The following DYNC2I1 variants were observed in gnomAD, a reference collection of about 807,000 sequenced individuals.
The protein encoded by DYNC2I1 is cytoplasmic dynein 2 intermediate chain 1.
DYNC2I1 carries 89 observed loss-of-function variants against 133.4 expected under a neutral mutation model. The ratio of observed to expected loss-of-function variants is 0.67; its 90% CI spans 0.56 to 0.80. The LOEUF (loss-of-function observed/expected upper bound fraction) is 0.80. Among genes scored for constraint, DYNC2I1 ranks in the 30% least tolerant of loss-of-function variants. DYNC2I1 has a pLI of 0.00. For missense variants in DYNC2I1, 1,291 were observed against 1,314.5 expected, an observed-to-expected ratio of 0.98 and a Z score of 0.28; for synonymous variants, 504 against 484.3, an observed-to-expected ratio of 1.04 and a Z score of -0.54.
chr7:158,940,037 A>G (rs1479093448), intron 23 of DYNC2I1, among the ~76,000 whole-genome samples: 2 of 152,202 alleles, frequency 1.3e-5, no homozygotes, highest in East Asian at 1.9e-4. Context: ...CTGTAATGCA[A>G]TAATAGTAGG....
intron 2 of DYNC2I1, 146 bp downstream of exon 2, chr7:158,870,054 C>A: frequency 1.5e-6 from 1 of 668,138 alleles, no homozygotes; most frequent in Non-Finnish European, 2.5e-6. Context: ...TGAAGGTGTA[C>A]GGCTAACAAT....
rs990594330 is a variant in DYNC2I1, at chr7:158,856,806, G to C, written c.15+56G>C. The stretch of plus-strand genomic sequence containing the variant: ...TGGTCGAGCTTCGCGGACTCCTTCG[G>C]GCGCCGCTAGCAGCGCCGCCGCCGC... On this transcript the variant is annotated intron_variant, in intron 1 of 24. Coordinates refer to ENST00000407559, the MANE Select transcript of DYNC2I1 (RefSeq NM_018051.5). 86 of 1,230,572 alleles carry C rather than the reference G, an allele frequency of 7.0e-5. No homozygotes were observed. The African/African-American group carries it at 1.2e-3, about 18-fold the overall frequency. The allele number at this position is 1,230,572 out of a possible 1,614,324, so 76.2% of individuals were successfully genotyped here. A position where few individuals can be genotyped will look rare whatever the true frequency, so the allele number is the denominator to read the frequency against.
chr7:158,948,157 A>G (rs1255562041), downstream of DYNC2I1, among the ~76,000 whole-genome samples: 5 of 152,118 alleles, frequency 3.3e-5, no homozygotes, highest in Non-Finnish European at 7.4e-5. Context: ...CGCAGCCTCT[A>G]AAAAACACAT....
At chr7:158,953,672 C>T (rs1379278518) in intron 4 of DYNC2I1, among the ~76,000 whole-genome samples, 3 of 152,122 alleles carry the variant, frequency 2.0e-5, no homozygotes, top group African/African-American at 7.2e-5. Context: ...ATGGCTTGAG[C>T]TGGAGAGGTT....
At chr7:158,881,106 C>T (rs948378658) in intron 5 of DYNC2I1, among the ~76,000 whole-genome samples, 3 of 152,232 alleles carry the variant, frequency 2.0e-5, no homozygotes, top group South Asian at 2.1e-4. Flanking sequence ...GCACTTAGGC[C>T]GAGAAGCAGT....
chr7:158,847,368 C>G, the DYNC2I1 span, among the ~76,000 whole-genome samples: 6 of 151,968 alleles, frequency 3.9e-5, no homozygotes, highest in African/African-American at 1.5e-4. Context: ...AATAGTGACT[C>G]TTAAACCTTA....
At chr7:158,913,940 C>T (rs1357063049) in intron 13 of DYNC2I1, among the ~76,000 whole-genome samples, 3 of 152,176 alleles carry the variant, frequency 2.0e-5, no homozygotes, top group African/African-American at 7.2e-5. Context: ...GAACTCCTGA[C>T]CTCAGATGAT....
In DYNC2I1 at chr7:158,923,693, C is replaced by T. The variant is rs368585581; in HGVS notation, c.2217C>T (p.Ser739=). Residue 739 remains serine (S), a synonymous_variant, in exon 17 of 25, where the codon AGC becomes AGT. Transcript: ENST00000407559. ...DSRLHYSVTL[S]DGFWTFRTAT... is the part of the protein sequence containing the mutation. ...GGCTGCATTACTCTGTGACGCTGAGCGATGGCTTCTGGACGTTCCGGACCG... is the reference window on the plus strand; with the variant it reads ...GGCTGCATTACTCTGTGACGCTGAGTGATGGCTTCTGGACGTTCCGGACCG... 5.4e-5 allele frequency: 87 copies of T among 1,613,786 alleles called. No individual in the cohort carries two copies. Among genetic ancestry groups the T allele is most frequent in the Admixed American group, 3.3e-5 (2 of 59,994 alleles).
At chr7:158,955,561 G>T (rs1164061404) in intron 4 of DYNC2I1, among the ~76,000 whole-genome samples, 1 of 152,226 alleles carries the variant, frequency 6.6e-6, no homozygotes, top group East Asian at 1.9e-4. Context: ...TGTGCTAAGA[G>T]CCAGGCGGTG....
rs372657221 is a variant in DYNC2I1, at chr7:158,941,204, C to T, written c.2779-721C>T. ...GAGACTATTATGAACATCTATAAGC[C>T]AACAAATTGGAAAACAAATTTGATT... is the stretch of plus-strand genomic sequence containing the variant. On this transcript the variant is annotated intron_variant, in intron 23 of 24. Transcript: ENST00000407559. 3.1e-4 allele frequency among the ~76,000 whole-genome samples: 47 copies of T among 152,166 alleles called. No homozygotes were observed. The East Asian group carries it at 6.0e-3, about 19-fold the overall frequency.
At chr7:158,912,231 C>T (rs1847550983) in intron 12 of DYNC2I1, among the ~76,000 whole-genome samples, 1 of 152,146 alleles carries the variant, frequency 6.6e-6, no homozygotes, top group African/African-American at 2.4e-5. Flanking sequence ...TTGTACTTCC[C>T]TGTAGTATTT....
chr7:158,942,229 A>T, intron 24 of DYNC2I1, 81 bp downstream of exon 24: 1 of 1,106,180 alleles, frequency 9.0e-7, no homozygotes, highest in Non-Finnish European at 1.3e-6. Context: ...TTCTTCATTA[A>T]TTTTTGCATG....
chr7:158,918,682 TGGAAAAGA>T, intron 14 of DYNC2I1, 50 bp from the exon 15 acceptor site: 1 of 1,587,388 alleles, frequency 6.3e-7, no homozygotes, highest in Admixed American at 1.8e-5. Context: ...AATTTTTTTT[TGGAAAAGA>T]TAATCCATTG....
chr7:158,850,932 G>T, the DYNC2I1 span, among the ~76,000 whole-genome samples: 2 of 151,824 alleles, frequency 1.3e-5, no homozygotes, highest in African/African-American at 4.8e-5. Flanking sequence ...CGGAGCCTGA[G>T]AAATAGCTCT....
chr7:158,942,271 T>A, intron 24 of DYNC2I1, 123 bp downstream of exon 24: 1 of 678,646 alleles, frequency 1.5e-6, no homozygotes, highest in Non-Finnish European at 2.3e-6. Flanking sequence ...TGGCCATATG[T>A]AAATTTAAAT....
intron 5 of DYNC2I1, among the ~76,000 whole-genome samples, chr7:158,880,561 C>T (rs1843898879): frequency 6.6e-6 from 1 of 150,546 alleles, no homozygotes. Flanking sequence ...CTCTGTCTCT[C>T]AAAAAAAAAT....
intron 17 of DYNC2I1, 28 bp from the exon 18 acceptor site, chr7:158,926,159 G>T: frequency 6.4e-7 from 1 of 1,557,096 alleles, no homozygotes; most frequent in Non-Finnish European, 8.8e-7. Flanking sequence ...CTACTTACAC[G>T]TGGATGCTGT....
chr7:158,894,046 T>C (rs1009715100), intron 8 of DYNC2I1, among the ~76,000 whole-genome samples: 1 of 152,080 alleles, frequency 6.6e-6, no homozygotes, highest in Non-Finnish European at 1.5e-5. Context: ...ATACCACATA[T>C]TGTAACACAT....
chr7:158,902,630 T>C (rs748638788), intron 10 of DYNC2I1, 35 bp downstream of exon 10: 1 of 1,593,148 alleles, frequency 6.3e-7, no homozygotes, highest in South Asian at 1.1e-5. Context: ...GTGTCCGTGC[T>C]CTTAGGGCTC....
Sources: gnomAD v4.1 joint callset for allele counts (sites outside exome capture counted in the v4.1 genomes callset) on GRCh38, gnomAD v4.1.1 for gene constraint, MANE v1.5 for transcripts, NCBI Gene and HGNC (gene_info 2026-07-23, HGNC 2026-07-21) for gene names.